CAMK1D: variants seen among roughly 807,000 people sequenced by gnomAD.
CAMK1D encodes calcium/calmodulin-dependent protein kinase type 1D.
In CAMK1D, 9 loss-of-function variants were observed where a neutral mutation model predicts 47.7. That is an observed-to-expected ratio of 0.19 (90% CI 0.11 to 0.33). CAMK1D has a LOEUF of 0.33. Among genes scored for constraint, CAMK1D ranks in the 10% least tolerant of loss-of-function variants. CAMK1D has a pLI of 1.00. For synonymous variants in CAMK1D, 184 were observed against 184.9 expected (o/e 0.99, Z 0.04); for missense variants, 291 against 488.7 (o/e 0.60, Z 3.81).
At chr10:12,783,667 T>C (rs1230174624) in intron 5 of CAMK1D, among the ~76,000 whole-genome samples, 1 of 152,268 alleles carries the variant, frequency 6.6e-6, no homozygotes, top group Non-Finnish European at 1.5e-5. Flanking sequence ...TTCTTCTCTC[T>C]TCTTTGGTAA....
intron 3 of CAMK1D, among the ~76,000 whole-genome samples, chr10:12,720,839 C>T (rs1003573033): frequency 6.6e-6 from 1 of 152,208 alleles, no homozygotes; most frequent in Admixed American, 6.5e-5. Flanking sequence ...CTTGTCCTCC[C>T]TCAGTCATTT....
intron 6 of CAMK1D, among the ~76,000 whole-genome samples, chr10:12,800,241 C>A (rs1474107165): frequency 6.6e-6 from 1 of 152,206 alleles, no homozygotes; most frequent in African/African-American, 2.4e-5. Flanking sequence ...TCTCATTGGC[C>A]ATTAAATGCT....
At chr10:12,755,730 TTAATAA>T (rs558630434) in intron 3 of CAMK1D, among the ~76,000 whole-genome samples, 1 of 151,986 alleles carries the variant, frequency 6.6e-6, no homozygotes, top group Non-Finnish European at 1.5e-5. Context: ...CCCTAAAACT[TTAATAA>T]TAATAATAAT....
chr10:12,380,350 G>A (rs1838304424), intron 1 of CAMK1D, among the ~76,000 whole-genome samples: 1 of 152,164 alleles, frequency 6.6e-6, no homozygotes, highest in Non-Finnish European at 1.5e-5. Flanking sequence ...ATAAATATGA[G>A]AGTAAAGGTT....
At chr10:12,769,904 G>A in intron 5 of CAMK1D, 105 bp downstream of exon 5, 1 of 1,314,474 alleles carries the variant, frequency 7.6e-7, no homozygotes, top group Non-Finnish European at 1.1e-6. Flanking sequence ...TATGAGCTTG[G>A]CATGTAATCA....
At chr10:12,530,270 G>A (rs1397430246) in intron 1 of CAMK1D, among the ~76,000 whole-genome samples, 1 of 152,214 alleles carries the variant, frequency 6.6e-6, no homozygotes, top group African/African-American at 2.4e-5. Context: ...TGCGAGTGGG[G>A]GGCCCTAGGC....
At chr10:12,536,234 G>GA (rs35790468) in intron 1 of CAMK1D, among the ~76,000 whole-genome samples, 57 of 144,790 alleles carry the variant, frequency 3.9e-4, no homozygotes, top group East Asian at 1.4e-3. Flanking sequence ...TCAGAGTTCT[G>GA]AAAAAAAAAA....
intron 2 of CAMK1D, among the ~76,000 whole-genome samples, chr10:12,636,373 G>A (rs968306270): frequency 1.2e-4 from 18 of 152,166 alleles, no homozygotes; most frequent in African/African-American, 4.3e-4. Context: ...TGTCACCTGG[G>A]CTAGAGTGCG....
chr10:12,759,380 A>G (rs1836392045), intron 3 of CAMK1D, among the ~76,000 whole-genome samples: 1 of 152,140 alleles, frequency 6.6e-6, no homozygotes, highest in African/African-American at 2.4e-5. Flanking sequence ...GAATGTCTCT[A>G]GGGCACCCAG....
intron 1 of CAMK1D, among the ~76,000 whole-genome samples, chr10:12,531,836 C>T (rs905354631): frequency 6.6e-6 from 1 of 152,226 alleles, no homozygotes; most frequent in Non-Finnish European, 1.5e-5. Flanking sequence ...TGCTGGTCTT[C>T]CTACCTGGGT....
intron 2 of CAMK1D, among the ~76,000 whole-genome samples, chr10:12,613,608 A>G (rs1050800413): frequency 6.6e-6 from 1 of 152,154 alleles, no homozygotes; most frequent in African/African-American, 2.4e-5. Flanking sequence ...CCTTCTGAGT[A>G]GCTGGGATTA....
At chr10:12,518,532 C>T (rs186701355) in intron 1 of CAMK1D, among the ~76,000 whole-genome samples, 936 of 34,010 alleles carry the variant, frequency 0.028, 138 homozygotes, top group East Asian at 0.13. Flanking sequence ...GTGTTTCTCG[C>T]AGAGGGGGAT....
chr10:12,489,507 C>T (rs1006907551), intron 1 of CAMK1D, among the ~76,000 whole-genome samples: 5 of 152,108 alleles, frequency 3.3e-5, no homozygotes, highest in East Asian at 1.9e-4. Context: ...TTTAATCAAG[C>T]GGTAGGGAAG....
chr10:12,472,150 G>A (rs1010520909), intron 1 of CAMK1D, among the ~76,000 whole-genome samples: 3 of 152,126 alleles, frequency 2.0e-5, no homozygotes, highest in African/African-American at 7.2e-5. Flanking sequence ...CCTTTGTCGA[G>A]TTCACAGTCA....
intron 6 of CAMK1D, among the ~76,000 whole-genome samples, chr10:12,806,900 G>C (rs1838757444): frequency 6.6e-6 from 1 of 152,046 alleles, no homozygotes; most frequent in Non-Finnish European, 1.5e-5. Flanking sequence ...GTGGCGGTCT[G>C]GCTAGATCAA....
At chr10:12,401,118 AATATATGTAT>A (rs1839178386) in intron 1 of CAMK1D, among the ~76,000 whole-genome samples, 4 of 74,650 alleles carry the variant, frequency 5.4e-5, no homozygotes, top group South Asian at 6.7e-4. Flanking sequence ...TTATATATAT[AATATATGTAT>A]TATATATATT....
intron 1 of CAMK1D, among the ~76,000 whole-genome samples, chr10:12,387,386 TA>T (rs1838540448): frequency 6.2e-5 from 2 of 32,254 alleles, no homozygotes; most frequent in African/African-American, 1.1e-4. Flanking sequence ...ATATATTATA[TA>T]TATTATATAT....
intron 2 of CAMK1D, among the ~76,000 whole-genome samples, chr10:12,592,413 G>A (rs542412832): frequency 6.6e-6 from 1 of 152,256 alleles, no homozygotes; most frequent in Admixed American, 6.5e-5. Context: ...CATCAATAAT[G>A]AACTTTAATT....
intron 1 of CAMK1D, among the ~76,000 whole-genome samples, chr10:12,420,265 A>G (rs1448354067): frequency 6.6e-6 from 1 of 152,212 alleles, no homozygotes; most frequent in Admixed American, 6.5e-5. Flanking sequence ...GCCCATGTCT[A>G]TGTAACTTTA....
Sources: allele counts gnomAD v4.1 joint callset (sites outside exome capture counted in the v4.1 genomes callset), GRCh38; gene constraint gnomAD v4.1.1; transcripts MANE v1.5; gene names NCBI Gene and HGNC (gene_info 2026-07-23, HGNC 2026-07-21).